The following TM2D2 variants were observed in gnomAD, a reference collection of about 807,000 sequenced individuals.
The protein encoded by TM2D2 is TM2 domain-containing protein 2.
TM2D2 carries 19 observed loss-of-function variants against 23.0 expected under a neutral mutation model. That is an observed-to-expected ratio of 0.82 (90% CI 0.58 to 1.21). The LOEUF (loss-of-function observed/expected upper bound fraction) is 1.21. TM2D2 is among the 50% of genes most tolerant of loss of function. The pLI is 0.00. For synonymous variants in TM2D2, 120 were observed against 108.8 expected, an observed-to-expected ratio of 1.10 and a Z score of -0.64; for missense variants, 246 against 265.4, an observed-to-expected ratio of 0.93 and a Z score of 0.51.
At chr8:38,996,548 C>A, upstream of TM2D2, 1 of 1,502,204 alleles carries the variant, frequency 6.7e-7, no homozygotes, top group African/African-American at 1.4e-5. Flanking sequence ...GCCCGCGTAG[C>A]CCCGCCAAAC....
chr8:38,991,574 T>A, intron 3 of TM2D2, 29 bp from the exon 4 acceptor site: 1 of 1,542,032 alleles, frequency 6.5e-7, no homozygotes, highest in Non-Finnish European at 9.0e-7. Flanking sequence ...AAGGAAGATG[T>A]TTTACTGCAC....
chr8:38,996,453 G>A lies in TM2D2; in HGVS notation c.-14C>T, dbSNP rs767603972. 1.9e-6 allele frequency: 3 copies of A among 1,613,656 alleles called. No individual in the cohort carries two copies. The highest frequency in any genetic ancestry group is 2.2e-5 in the South Asian group (2 of 91,072). On this transcript the variant is annotated 5_prime_UTR_variant, in exon 1 of 4. Transcript: ENST00000456397. ...ACCTAGCACCATCTTCCCGGGCACA[G>A]GAGCGGAGACCCGGCCTCAACCACA...
rs200354734 is a variant in TM2D2, at chr8:38,991,557, G to A, written c.432-12C>T. The A allele has an allele frequency of 5.0e-6, 8 of 1,591,316 alleles. No homozygotes were observed. The Admixed American group carries it at 1.2e-4, about 23-fold the overall frequency. ...AGTGTCCGGTATACCTAGGTGAAAGGAATGAAAAGGAAGATGTTTTACTGC... is the reference window on the plus strand; with the variant it reads ...AGTGTCCGGTATACCTAGGTGAAAGAAATGAAAAGGAAGATGTTTTACTGC... On this transcript the variant is annotated splice_polypyrimidine_tract_variant and intron_variant, in intron 3 of 3. Coordinates refer to ENST00000456397, the MANE Select transcript of TM2D2 (RefSeq NM_078473.3).
intron 3 of TM2D2, among the ~76,000 whole-genome samples, chr8:38,992,294 T>G (rs1160310578): frequency 8.1e-6 from 1 of 123,656 alleles, no homozygotes; most frequent in Non-Finnish European, 1.6e-5. Flanking sequence ...AGCGAGACCC[T>G]GTTTCTACCA....
At position 38,990,935 on chromosome 8, in the gene TM2D2, C is replaced by G. The variant is rs997916443; in HGVS notation, c.*397G>C. 1 of 202,358 alleles carries G rather than the reference C, an allele frequency of 4.9e-6. No homozygotes were observed. Among genetic ancestry groups the G allele is most frequent in the Non-Finnish European group, 1.0e-5 (1 of 99,000 alleles). 12.5% of individuals were successfully genotyped at this position (202,358 alleles called of 1,614,324 possible). ...AGCTTCAGATCTCCTTGCATGAAGA[C>G]TCAGGGTCACAAGAGGAACATGGAT... is the stretch of plus-strand genomic sequence containing the variant. On this transcript the variant is annotated 3_prime_UTR_variant, in exon 4 of 4. Coordinates refer to ENST00000456397, the MANE Select transcript of TM2D2 (RefSeq NM_078473.3).
rs201500324 is a variant in TM2D2, at chr8:38,991,539, G to A, written c.438C>T (p.Thr146=). The A allele has an allele frequency of 8.8e-5, 142 of 1,609,548 alleles. 1 individual carries two copies. The East Asian group carries it at 1.9e-3, about 21-fold the overall frequency. ...LRENKPCIKY[T]GHYFITTLLY... is the part of the protein sequence containing the mutation. ...GTAAAGTGGTTATGAAGTAGTGTCC[G>A]GTATACCTAGGTGAAAGGAATGAAA... Residue 146 remains threonine (T), a synonymous_variant, in exon 4 of 4, where the codon ACC becomes ACT. Coordinates refer to ENST00000456397, the MANE Select transcript of TM2D2 (RefSeq NM_078473.3).
rs1337130246 is a variant in TM2D2 at position 38,996,250 on chromosome 8, C to T, written c.190G>A (p.Gly64Ser). ...GPGGAASWEY[G>S]DPHSPVILCS... The stretch of plus-strand genomic sequence containing the variant: ...AGGATGACCGGAGAGTGGGGGTCGC[C>T]ATATTCCCAGCTCGCAGCACCCCCG... The change falls in exon 1 of 4, where the codon GGC (glycine) becomes AGC (serine). Residue 64 changes from glycine (G) to serine (S), a missense_variant. By Grantham distance (56) the Gly-to-Ser change is moderately conservative. This residue lies in a region of TM2D2 where 212 missense variants were observed against 202.2 expected (regional missense o/e 1.05). Coordinates refer to ENST00000456397, the MANE Select transcript of TM2D2 (RefSeq NM_078473.3). 6.2e-7 allele frequency: 1 copy of T among 1,613,922 alleles called. No homozygotes were observed. The highest frequency in any genetic ancestry group is 1.7e-5 in the Admixed American group (1 of 60,028).
rs1279906636 is a variant in TM2D2, at chr8:38,989,189, T to G, written c.*2143A>C. The G allele has an allele frequency of 2.0e-5, 3 of 152,228 alleles. No homozygotes were observed. Among genetic ancestry groups the G allele is most frequent in the Non-Finnish European group, 4.4e-5 (3 of 68,036 alleles). 9.4% of individuals were successfully genotyped at this position (152,228 alleles called of 1,614,324 possible). On this transcript the variant is annotated 3_prime_UTR_variant, in exon 4 of 4. Coordinates refer to ENST00000456397, the MANE Select transcript of TM2D2 (RefSeq NM_078473.3). The stretch of plus-strand genomic sequence containing the variant: ...ACTCTAGCAGCGAGAACAACTTCTT[T>G]TGTCTCCAGCAGCTTTACTGACAGT...
At position 38,995,312 on chromosome 8, in the gene TM2D2, A is replaced by T; in HGVS notation, c.315+6T>A. ...GGTTTGCTCTTACGACAAAACAAAAACTCACCTTGAGACAACCATAACCAA... is the reference window on the plus strand; with the variant it reads ...GGTTTGCTCTTACGACAAAACAAAATCTCACCTTGAGACAACCATAACCAA... On this transcript the variant is annotated splice_donor_region_variant and intron_variant, in intron 2 of 3. Coordinates refer to ENST00000456397, the MANE Select transcript of TM2D2 (RefSeq NM_078473.3). 6.3e-7 allele frequency: 1 copy of T among 1,579,406 alleles called. No homozygotes were observed. The highest frequency in any genetic ancestry group is 8.6e-7 in the Non-Finnish European group (1 of 1,166,442).
chr8:38,991,662 C>T, intron 3 of TM2D2, 117 bp from the exon 4 acceptor site: 1 of 792,776 alleles, frequency 1.3e-6, no homozygotes, highest in Non-Finnish European at 2.1e-6. Context: ...TGGCCTTTTA[C>T]CCTCCATTTT....
chr8:38,991,653 G>T, intron 3 of TM2D2, 108 bp from the exon 4 acceptor site: 2 of 836,466 alleles, frequency 2.4e-6, no homozygotes, highest in Middle Eastern at 2.7e-4. Context: ...GACCCTCTGT[G>T]GCCTTTTACC....
rs781535205 is a variant in TM2D2 at position 38,995,464 on chromosome 8, G to A, written c.228-59C>T. 1.9e-6 allele frequency: 3 copies of A among 1,599,028 alleles called. No homozygotes were observed. The African/African-American group carries it at 4.1e-5, about 22-fold the overall frequency. Reference sequence around the variant, plus strand: ...ATACGGTCTTTGCAAATCGCTGTTTGCATGCACGTAATCAAAACGGGCAAA... The same window carrying A: ...ATACGGTCTTTGCAAATCGCTGTTTACATGCACGTAATCAAAACGGGCAAA... On this transcript the variant is annotated intron_variant, in intron 1 of 3. Coordinates refer to ENST00000456397, the MANE Select transcript of TM2D2 (RefSeq NM_078473.3).
chr8:38,996,729 A>T (rs1041400936), upstream of TM2D2: 2 of 1,412,872 alleles, frequency 1.4e-6, no homozygotes, highest in African/African-American at 2.9e-5. Flanking sequence ...GGATCCGTCG[A>T]CCCCCCTAGG....
At chr8:38,993,005 C>A (rs1468376675) in intron 3 of TM2D2, among the ~76,000 whole-genome samples, 1 of 152,084 alleles carries the variant, frequency 6.6e-6, no homozygotes, top group Non-Finnish European at 1.5e-5. Flanking sequence ...GAGTGTGGAG[C>A]CTACACTTTT....
chr8:38,991,283 A>C lies in TM2D2; in HGVS notation c.*49T>G. On this transcript the variant is annotated 3_prime_UTR_variant, in exon 4 of 4. Coordinates refer to ENST00000456397, the MANE Select transcript of TM2D2 (RefSeq NM_078473.3). ...GTTTTGAGCCTGTAGAGATGAATTC[A>C]GAAGACGGAGCTTTCACCCGCCTCC... 1 of 1,474,002 alleles carries C rather than the reference A, an allele frequency of 6.8e-7. No homozygotes were observed. Among genetic ancestry groups the C allele is most frequent in the Non-Finnish European group, 9.4e-7 (1 of 1,063,886 alleles). 91.3% of individuals were successfully genotyped at this position (1,474,002 alleles called of 1,614,324 possible). A position where few individuals can be genotyped will look rare whatever the true frequency, so the allele number is the denominator to read the frequency against.
Position 38,991,389 on chromosome 8 carries a change from C to G in TM2D2, c.588G>C (p.Leu196Phe), listed in dbSNP as rs755284654. The change falls in exon 4 of 4, where the codon TTG becomes TTC. Residue 196 changes from leucine (L) to phenylalanine (F), a missense_variant. By Grantham distance (22) the Leu-to-Phe change is conservative (BLOSUM62 0). Transcript: ENST00000456397. ...LGIWWFVDLI[L>F]LITGGLMPSD... ...TTGGCATCAGCCCTCCAGTAATTAG[C>G]AAAATAAGGTCAACAAACCACCAAA... is the stretch of plus-strand genomic sequence containing the variant. The G allele has an allele frequency of 6.2e-7, 1 of 1,614,114 alleles. No homozygotes were observed. Among genetic ancestry groups the G allele is most frequent in the South Asian group, 1.1e-5 (1 of 91,076 alleles).
chr8:38,996,288 T>C lies in TM2D2; in HGVS notation c.152A>G (p.Gln51Arg), dbSNP rs561300785. Residue 51 changes from glutamine (Q) to arginine (R), a missense_variant, in exon 1 of 4, where the codon CAG (glutamine) becomes CGG (arginine). Physicochemically the swap from Gln to Arg is conservative, Grantham distance 43. Transcript: ENST00000456397. Reference protein sequence around the residue: ...EPELTSAGAAQPEGPGGAASW... With the variant: ...EPELTSAGAARPEGPGGAASW... ...CGCAGCACCCCCGGGGCCCTCCGGC[T>C]GGGCGGCGCCAGCGGATGTGAGCTC... 5 of 1,614,002 alleles carry C rather than the reference T, an allele frequency of 3.1e-6. No individual in the cohort carries two copies. In the East Asian group the frequency reaches 1.1e-4, roughly 36 times the overall value.
rs745542517 is a variant in TM2D2 at position 38,996,286 on chromosome 8, G to C, written c.154C>G (p.Pro52Ala). ...CTCGCAGCACCCCCGGGGCCCTCCGGCTGGGCGGCGCCAGCGGATGTGAGC... is the reference window on the plus strand; with the variant it reads ...CTCGCAGCACCCCCGGGGCCCTCCGCCTGGGCGGCGCCAGCGGATGTGAGC... ...PELTSAGAAQ[P>A]EGPGGAASWE... Residue 52 changes from proline to alanine, a missense_variant, in exon 1 of 4, where the codon CCG becomes GCG. Pro to Ala is a conservative substitution (Grantham distance 27). This residue lies in a region of TM2D2 where 212 missense variants were observed against 202.2 expected (regional missense o/e 1.05). Coordinates refer to ENST00000456397, the MANE Select transcript of TM2D2 (RefSeq NM_078473.3). 1 of 1,614,042 alleles carries C rather than the reference G, an allele frequency of 6.2e-7. No individual in the cohort carries two copies. Among genetic ancestry groups the C allele is most frequent in the Non-Finnish European group, 8.5e-7 (1 of 1,180,008 alleles).
upstream of TM2D2, chr8:38,996,645 T>C: frequency 7.0e-7 from 1 of 1,430,584 alleles, no homozygotes; most frequent in Middle Eastern, 2.6e-4. Context: ...TACTCCGCCC[T>C]CTGCTTCTGC....
Sources: gnomAD v4.1 joint callset for allele counts (sites outside exome capture counted in the v4.1 genomes callset) on GRCh38, gnomAD v4.1.1 for gene constraint, gnomAD v4.1.1 regional missense constraint, MANE v1.5 for transcripts, NCBI Gene and HGNC (gene_info 2026-07-23, HGNC 2026-07-21) for gene names.